The following PHLPP2 variants were observed in gnomAD, a reference collection of about 807,000 sequenced individuals.
The protein encoded by PHLPP2 is PH domain and leucine rich repeat protein phosphatase 2, also known as PH domain leucine-rich repeat-containing protein phosphatase 2.
PHLPP2 carries 66 observed loss-of-function variants against 124.9 expected under a neutral mutation model. The ratio of observed to expected loss-of-function variants is 0.53; its 90% CI spans 0.43 to 0.65. The LOEUF is 0.65. Among genes scored for constraint, PHLPP2 ranks in the 30% least tolerant of loss-of-function variants. PHLPP2 has a pLI of 0.00. For synonymous variants in PHLPP2, 681 were observed against 624.7 expected (o/e 1.09, Z -1.34); for missense variants, 1,685 against 1,600.4 (o/e 1.05, Z -0.90).
At chr16:71,659,246 G>C (rs1163730741) in intron 13 of PHLPP2, among the ~76,000 whole-genome samples, 2 of 115,678 alleles carry the variant, frequency 1.7e-5, no homozygotes, top group Non-Finnish European at 3.4e-5. Flanking sequence ...TCATCACAAA[G>C]ATTTTTTTTT....
At chr16:71,684,713 ATT>A in intron 4 of PHLPP2, 112 bp from the exon 5 acceptor site, 1 of 1,030,718 alleles carries the variant, frequency 9.7e-7, no homozygotes. Context: ...GTTATTTTTT[ATT>A]TTTTCTCTCT....
chr16:71,696,763 C>T (rs370431035), intron 3 of PHLPP2, among the ~76,000 whole-genome samples: 3 of 152,066 alleles, frequency 2.0e-5, no homozygotes, highest in Non-Finnish European at 2.9e-5. Context: ...TTGCCACTTT[C>T]GTATATATCC....
intron 3 of PHLPP2, among the ~76,000 whole-genome samples, chr16:71,696,210 AGTATTTTTGC>A (rs1294661002): frequency 6.6e-6 from 1 of 152,222 alleles, no homozygotes; most frequent in Non-Finnish European, 1.5e-5. Flanking sequence ...AACATGAGAT[AGTATTTTTGC>A]AATCGGGGAA....
intron 3 of PHLPP2, among the ~76,000 whole-genome samples, chr16:71,691,963 A>G (rs552124659): frequency 6.6e-6 from 1 of 152,208 alleles, no homozygotes; most frequent in African/African-American, 2.4e-5. Flanking sequence ...AACAACAACA[A>G]AAAGGGACAA....
rs952974890 is a variant in PHLPP2 at position 71,645,087 on chromosome 16, A to C, written c.*3803T>G. Reference sequence around the variant, plus strand: ...TCAAAAATACACTATAATGAGTCTTAAGACTACAATACGACAATGATTGCA... The same window carrying C: ...TCAAAAATACACTATAATGAGTCTTCAGACTACAATACGACAATGATTGCA... On this transcript the variant is annotated 3_prime_UTR_variant, in exon 19 of 19. Coordinates refer to ENST00000568954, the MANE Select transcript of PHLPP2 (RefSeq NM_015020.3). 6.0e-5 allele frequency: 15 copies of C among 249,172 alleles called. No individual in the cohort carries two copies. Among genetic ancestry groups the C allele is most frequent in the African/African-American group, 3.5e-4 (15 of 42,928 alleles). 15.4% of individuals were successfully genotyped at this position (249,172 alleles called of 1,614,324 possible). A position where few individuals can be genotyped will look rare whatever the true frequency, so the allele number is the denominator to read the frequency against.
chr16:71,708,359 C>T (rs1407919537), intron 2 of PHLPP2, among the ~76,000 whole-genome samples: 1 of 152,168 alleles, frequency 6.6e-6, no homozygotes, highest in African/African-American at 2.4e-5. Flanking sequence ...GTCTCAGAAG[C>T]TCCTCCACTG....
intron 2 of PHLPP2, among the ~76,000 whole-genome samples, chr16:71,706,178 C>T (rs2045272493): frequency 6.6e-6 from 1 of 152,188 alleles, no homozygotes; most frequent in African/African-American, 2.4e-5. Flanking sequence ...TTTGGAGTAA[C>T]AGTTTTGGTT....
chr16:71,648,884 G>A lies in PHLPP2; in HGVS notation c.*6C>T. 6.2e-7 allele frequency: 1 copy of A among 1,604,472 alleles called. No homozygotes were observed. Among genetic ancestry groups the A allele is most frequent in the Non-Finnish European group, 8.5e-7 (1 of 1,173,348 alleles). ...GCCTCCTCCCACACTGTGCCCAGTG[G>A]GGCAGTCATAGTGCTGTGTCGAACT... is the stretch of plus-strand genomic sequence containing the variant. On this transcript the variant is annotated 3_prime_UTR_variant, in exon 19 of 19. Coordinates refer to ENST00000568954, the MANE Select transcript of PHLPP2 (RefSeq NM_015020.3).
At chr16:71,713,226 A>C (rs1167697602) in intron 2 of PHLPP2, among the ~76,000 whole-genome samples, 1 of 152,190 alleles carries the variant, frequency 6.6e-6, no homozygotes, top group Non-Finnish European at 1.5e-5. Flanking sequence ...TGCTGACTTT[A>C]TGATTCTCTA....
At chr16:71,692,097 TCTTG>T (rs1483769482) in intron 3 of PHLPP2, among the ~76,000 whole-genome samples, 1 of 151,182 alleles carries the variant, frequency 6.6e-6, no homozygotes, top group Non-Finnish European at 1.5e-5. Flanking sequence ...TGAGACGGAG[TCTTG>T]CTCTGTCGCC....
At chr16:71,662,562 C>T (rs1280541253) in intron 13 of PHLPP2, among the ~76,000 whole-genome samples, 1 of 152,122 alleles carries the variant, frequency 6.6e-6, no homozygotes, top group African/African-American at 2.4e-5. Flanking sequence ...AGCTCTATCT[C>T]ATGTTGTAAA....
intron 3 of PHLPP2, among the ~76,000 whole-genome samples, chr16:71,697,055 C>T (rs1217367505): frequency 6.6e-6 from 1 of 151,940 alleles, no homozygotes; most frequent in Non-Finnish European, 1.5e-5. Context: ...CCTCTAATCC[C>T]AGTCACTCAG....
At position 71,678,791 on chromosome 16, in the gene PHLPP2, A is replaced by G; in HGVS notation, c.1232T>C (p.Leu411Pro). 1 of 1,607,906 alleles carries G rather than the reference A, an allele frequency of 6.2e-7. No individual in the cohort carries two copies. The highest frequency in any genetic ancestry group is 8.5e-7 in the Non-Finnish European group (1 of 1,174,316). ...NCLEVLNLGV[L>P]NRMNHIKHVD... ...ATGCTTGATATGGTTCATCCTATTC[A>G]GCACCCCTAAGTTCAGGACTTCCAG... Residue 411 changes from leucine to proline, a missense_variant, in exon 8 of 19, where the codon CTG becomes CCG. Leu to Pro is a moderately conservative substitution (Grantham distance 98). Coordinates refer to ENST00000568954, the MANE Select transcript of PHLPP2 (RefSeq NM_015020.3).
chr16:71,707,753 G>GT (rs1158289168), intron 2 of PHLPP2, among the ~76,000 whole-genome samples: 3 of 152,178 alleles, frequency 2.0e-5, no homozygotes, highest in Non-Finnish European at 2.9e-5. Context: ...GGCTGGTGCT[G>GT]ATTTGCATCA....
intron 9 of PHLPP2, 21 bp downstream of exon 9, chr16:71,676,426 A>G (rs746765004): frequency 5.0e-6 from 8 of 1,601,884 alleles, no homozygotes; most frequent in Non-Finnish European, 6.8e-6. Flanking sequence ...GAAAAAACAA[A>G]AGGCTGCAGA....
At chr16:71,693,314 T>G (rs2045134611) in intron 3 of PHLPP2, among the ~76,000 whole-genome samples, 1 of 151,908 alleles carries the variant, frequency 6.6e-6, no homozygotes, top group Non-Finnish European at 1.5e-5. Flanking sequence ...TCAACATGCC[T>G]AAACCAAGTC....
rs1423983 is a variant in PHLPP2, at chr16:71,667,345, G to A, written c.1629-12C>T. On this transcript the variant is annotated splice_polypyrimidine_tract_variant and intron_variant, in intron 11 of 18. Coordinates refer to ENST00000568954, the MANE Select transcript of PHLPP2 (RefSeq NM_015020.3). ...AGCTACTCAGAATTCTAAGGGGGGAGCATACAAACAAACACATTAAAAACT... is the reference window on the plus strand; with the variant it reads ...AGCTACTCAGAATTCTAAGGGGGGAACATACAAACAAACACATTAAAAACT... 1,360,120 of 1,600,828 alleles carry A rather than the reference G, an allele frequency of 0.85. 580,038 individuals carry two copies. The highest frequency in any genetic ancestry group is 0.99 in the East Asian group (44,282 of 44,748).
rs776753936 is a variant in PHLPP2, at chr16:71,658,690, C to T, written c.2111G>A (p.Ser704Asn). 16 of 1,613,998 alleles carry T rather than the reference C, an allele frequency of 9.9e-6. No individual in the cohort carries two copies. The highest frequency in any genetic ancestry group is 1.7e-5 in the Admixed American group (1 of 59,996). ...CAACTGCAGTATTTCTGGGAAAATG[C>T]TGATGTTGTTGGAGTGTGCAACAAG... is the stretch of plus-strand genomic sequence containing the variant. Reference protein sequence around the residue: ...HTLVAHSNNISIFPEILQLPQ... With the variant: ...HTLVAHSNNINIFPEILQLPQ... The change falls in exon 14 of 19, where the codon AGC (serine) becomes AAC (asparagine). Residue 704 changes from serine (S) to asparagine (N), a missense_variant. Physicochemically the swap from Ser to Asn is conservative, Grantham distance 46. Coordinates refer to ENST00000568954, the MANE Select transcript of PHLPP2 (RefSeq NM_015020.3).
intron 2 of PHLPP2, among the ~76,000 whole-genome samples, chr16:71,703,089 T>A (rs550540462): frequency 6.6e-6 from 1 of 152,210 alleles, no homozygotes; most frequent in Non-Finnish European, 1.5e-5. Flanking sequence ...TCCAGGTCCA[T>A]CCATGTTGCT....
Sources: allele counts gnomAD v4.1 joint callset (sites outside exome capture counted in the v4.1 genomes callset), GRCh38; gene constraint gnomAD v4.1.1; transcripts MANE v1.5; gene names NCBI Gene and HGNC (gene_info 2026-07-23, HGNC 2026-07-21).